Variants in MEI4 observed in about 807,000 individuals in gnomAD.
The protein encoded by MEI4 is meiotic double-stranded break formation protein 4, also known as meiosis-specific protein MEI4.
MEI4 carries 27 observed loss-of-function variants against 31.4 expected under a neutral mutation model. That is an observed-to-expected ratio of 0.86 (90% CI 0.63 to 1.19). The LOEUF (loss-of-function observed/expected upper bound fraction) is 1.19, where lower values mean the gene tolerates loss of function less well. MEI4 is among the 50% of genes most tolerant of loss of function. MEI4 has a pLI of 0.00. For synonymous variants in MEI4, 122 were observed against 145.4 expected (o/e 0.84, Z 1.16); for missense variants, 329 against 398.9 (o/e 0.82, Z 1.49).
rs1434877859 is a variant in MEI4 at position 77,894,450 on chromosome 6, C to A, written c.901-28639C>A. On this transcript the variant is annotated intron_variant, in intron 4 of 4. Coordinates refer to ENST00000684080, the MANE Select transcript of MEI4 (RefSeq NM_001322247.2). ...CTATAAGAATACGGAATACATACAG[C>A]TTTTTTTCTTCTTTTCATTTGTTGT... Among the ~76,000 whole-genome samples the A allele has an allele frequency of 3.3e-5, 5 of 151,978 alleles. No individual in the cohort carries two copies. The East Asian group carries it at 9.7e-4, about 29-fold the overall frequency.
intron 3 of MEI4, among the ~76,000 whole-genome samples, chr6:77,794,571 C>T (rs977536811): frequency 2.6e-5 from 4 of 151,656 alleles, no homozygotes; most frequent in African/African-American, 7.3e-5. Flanking sequence ...CAAAACAAAA[C>T]AAAAAACCTA....
chr6:77,763,122 A>G (rs1768081683), intron 3 of MEI4, among the ~76,000 whole-genome samples: 1 of 152,092 alleles, frequency 6.6e-6, no homozygotes, highest in Admixed American at 6.6e-5. Flanking sequence ...CCTATACAAG[A>G]GTAGCCTTGG....
At chr6:77,661,253 A>C (rs902986241) in intron 1 of MEI4, among the ~76,000 whole-genome samples, 1 of 152,098 alleles carries the variant, frequency 6.6e-6, no homozygotes, top group Non-Finnish European at 1.5e-5. Flanking sequence ...ATGGTAAGGG[A>C]TATGAAGATT....
intron 4 of MEI4, among the ~76,000 whole-genome samples, chr6:77,884,299 A>C (rs1423362663): frequency 6.6e-6 from 1 of 152,154 alleles, no homozygotes; most frequent in African/African-American, 2.4e-5. Context: ...CTCATTTAAC[A>C]AATTGTTCCT....
At chr6:77,715,033 TATTTC>T (rs1256319434) in intron 2 of MEI4, among the ~76,000 whole-genome samples, 5 of 152,184 alleles carry the variant, frequency 3.3e-5, no homozygotes, top group African/African-American at 1.2e-4. Context: ...CTTTTAGTCT[TATTTC>T]AGTGCCCTTC....
chr6:77,799,637 C>T (rs1216302979), intron 3 of MEI4, among the ~76,000 whole-genome samples: 2 of 151,992 alleles, frequency 1.3e-5, no homozygotes, highest in African/African-American at 4.8e-5. Context: ...GTCTAATGTT[C>T]AAGTCTTTAA....
chr6:77,848,993 A>G (rs1770550615), intron 4 of MEI4, among the ~76,000 whole-genome samples: 1 of 152,062 alleles, frequency 6.6e-6, no homozygotes, highest in East Asian at 1.9e-4. Context: ...GTCCAAACCA[A>G]AGTAGGTCAT....
At chr6:77,798,475 ATT>A (rs1298715639) in intron 3 of MEI4, among the ~76,000 whole-genome samples, 2 of 109,752 alleles carry the variant, frequency 1.8e-5, no homozygotes, top group Non-Finnish European at 4.2e-5. Flanking sequence ...GAGGCACTTT[ATT>A]TATTTATTTA....
intron 2 of MEI4, among the ~76,000 whole-genome samples, chr6:77,747,026 C>A (rs1767628024): frequency 6.6e-6 from 1 of 152,046 alleles, no homozygotes; most frequent in Non-Finnish European, 1.5e-5. Flanking sequence ...AAAGAACTGC[C>A]TGAGGCTGGG....
intron 3 of MEI4, among the ~76,000 whole-genome samples, chr6:77,770,369 A>G (rs941804665): frequency 7.9e-5 from 12 of 152,162 alleles, no homozygotes; most frequent in Non-Finnish European, 1.5e-4. Flanking sequence ...CAAATCATAG[A>G]TGACACAAAC....
chr6:77,749,664 G>T (rs1273640225), intron 2 of MEI4, among the ~76,000 whole-genome samples: 1 of 152,170 alleles, frequency 6.6e-6, no homozygotes, highest in Non-Finnish European at 1.5e-5. Flanking sequence ...GAAAGAGACT[G>T]GGAGAATGGA....
Position 77,803,786 on chromosome 6 carries a change from G to A in MEI4, c.769-25145G>A, listed in dbSNP as rs190888414. ...TCAGCAGCGGAGTCTGCAGAACAGC[G>A]GATATTGGTGAACAGCAAATGTTGC... On this transcript the variant is annotated intron_variant, in intron 3 of 4. Transcript: ENST00000684080. 3.9e-5 allele frequency among the ~76,000 whole-genome samples: 6 copies of A among 152,256 alleles called. No homozygotes were observed. In the East Asian group the frequency reaches 5.8e-4, roughly 15 times the overall value.
At position 77,792,959 on chromosome 6, in the gene MEI4, G is replaced by T. The variant is rs181170764; in HGVS notation, c.768+31294G>T. Among the ~76,000 whole-genome samples the T allele has an allele frequency of 1.6e-3, 239 of 152,216 alleles. 2 individuals are homozygous for T. The highest frequency in any genetic ancestry group is 5.4e-3 in the African/African-American group (224 of 41,514). ...GATCTCCTGACCTCGTGATCCGCCT[G>T]CCTCAGCCTCCCAAAGTGCTGGGAT... On this transcript the variant is annotated intron_variant, in intron 3 of 4. Coordinates refer to ENST00000684080, the MANE Select transcript of MEI4 (RefSeq NM_001322247.2).
intron 1 of MEI4, among the ~76,000 whole-genome samples, chr6:77,665,251 T>C (rs566057288): frequency 7.0e-6 from 1 of 142,754 alleles, no homozygotes; most frequent in African/African-American, 2.6e-5. Flanking sequence ...AGATATGAGG[T>C]AGGGGTGCGG....
chr6:77,739,743 G>T (rs10943484), intron 2 of MEI4, among the ~76,000 whole-genome samples: 3 of 151,430 alleles, frequency 2.0e-5, no homozygotes, highest in African/African-American at 4.9e-5. Flanking sequence ...AAAAAAAATA[G>T]GAAAACCAAC....
In MEI4 at chr6:77,902,766, TG is replaced by T. The variant is rs1202574821; in HGVS notation, c.901-20322del. On this transcript the variant is annotated intron_variant, in intron 4 of 4. Coordinates refer to ENST00000684080, the MANE Select transcript of MEI4 (RefSeq NM_001322247.2). ...CAGCCATTTGTCTGTTATCTACCTA[TG>T]ACATGGAAAGCCCCCTCCTGGCTTC... Among the ~76,000 whole-genome samples, 18 of 152,222 alleles carry T rather than the reference TG, an allele frequency of 1.2e-4. 1 individual carries two copies. The East Asian group carries it at 3.3e-3, about 28-fold the overall frequency.
intron 4 of MEI4, among the ~76,000 whole-genome samples, chr6:77,876,912 A>G (rs1468398061): frequency 6.6e-6 from 1 of 152,160 alleles, no homozygotes; most frequent in Non-Finnish European, 1.5e-5. Context: ...ATGAAGGAAA[A>G]GGAGGGAAAA....
intron 2 of MEI4, chr6:77,716,948 AG>A (rs1766593901): frequency 1.4e-6 from 1 of 690,266 alleles, no homozygotes; most frequent in Non-Finnish European, 1.8e-6. Context: ...AGCATATTGT[AG>A]GGGTGGGTTG....
intron 3 of MEI4, among the ~76,000 whole-genome samples, chr6:77,815,149 G>A (rs1369280574): frequency 6.6e-6 from 1 of 152,000 alleles, no homozygotes; most frequent in Non-Finnish European, 1.5e-5. Context: ...GCCGAGTAGA[G>A]TGCACTATCT....
Sources: allele counts gnomAD v4.1 joint callset (sites outside exome capture counted in the v4.1 genomes callset), GRCh38; gene constraint gnomAD v4.1.1; transcripts MANE v1.5; gene names NCBI Gene and HGNC (gene_info 2026-07-23, HGNC 2026-07-21).